Variants in VIPR2 observed in about 807,000 individuals in gnomAD.
VIPR2 encodes vasoactive intestinal peptide receptor 2, also known as vasoactive intestinal polypeptide receptor 2.
In VIPR2, 48 loss-of-function variants were observed where a neutral mutation model predicts 58.0. The observed-to-expected ratio is 0.83, with a 90% confidence interval of 0.66 to 1.05. VIPR2 has a LOEUF of 1.05. Ranked by LOEUF, VIPR2 falls within the 50% of genes least tolerant of loss-of-function variation. The pLI is 0.00. For synonymous variants in VIPR2, 243 were observed against 235.2 expected (o/e 1.03, Z -0.30); for missense variants, 534 against 558.0 (o/e 0.96, Z 0.43).
At chr7:159,090,581 C>T (rs544254517) in intron 4 of VIPR2, among the ~76,000 whole-genome samples, 2 of 126,446 alleles carry the variant, frequency 1.6e-5, no homozygotes, top group Admixed American at 1.6e-4. Flanking sequence ...GTGACCATCA[C>T]AATCCCCGGT....
At chr7:159,120,357 G>C (rs1317408829) in intron 2 of VIPR2, among the ~76,000 whole-genome samples, 1 of 152,112 alleles carries the variant, frequency 6.6e-6, no homozygotes, top group African/African-American at 2.4e-5. Context: ...GTCCCCCTTG[G>C]AGTGCTCACC....
chr7:159,124,550 G>T (rs975246192), intron 2 of VIPR2, among the ~76,000 whole-genome samples: 1 of 152,124 alleles, frequency 6.6e-6, no homozygotes, highest in South Asian at 2.1e-4. Context: ...TGGTAGCCCC[G>T]TAGTATTGTT....
At position 159,144,733 on chromosome 7, in the gene VIPR2, C is replaced by G; in HGVS notation, c.39G>C (p.Trp13Cys). 7.6e-7 allele frequency: 1 copy of G among 1,321,508 alleles called. No homozygotes were observed. Among genetic ancestry groups the G allele is most frequent in the East Asian group, 3.1e-5 (1 of 32,114 alleles). The allele number at this position is 1,321,508 out of a possible 1,614,324, so 81.9% of individuals were successfully genotyped here. A position where few individuals can be genotyped will look rare whatever the true frequency, so the allele number is the denominator to read the frequency against. Residue 13 changes from tryptophan (W) to cysteine (C), a missense_variant, in exon 1 of 13, where the codon TGG becomes TGC. Physicochemically the swap from Trp to Cys is radical, Grantham distance 215. Coordinates refer to ENST00000262178, the MANE Select transcript of VIPR2 (RefSeq NM_003382.5). ...CGGGCGCACTCACGGGGGCGAGCAG[C>G]CAGCAGGTCAGCAGCGCGGGAGGCA... ...TLLPPALLTC[W>C]LLAPVNSIHP...
chr7:159,070,565 G>A (rs534313478), intron 4 of VIPR2, among the ~76,000 whole-genome samples: 4 of 152,256 alleles, frequency 2.6e-5, no homozygotes, highest in South Asian at 2.1e-4. Context: ...CAGACAGCAC[G>A]TCAGGCGTTG....
At chr7:159,094,261 G>A (rs1857689784) in intron 4 of VIPR2, among the ~76,000 whole-genome samples, 1 of 152,198 alleles carries the variant, frequency 6.6e-6, no homozygotes, top group South Asian at 2.1e-4. Flanking sequence ...GGTCTCTGAT[G>A]AGCACGTGGA....
intron 2 of VIPR2, among the ~76,000 whole-genome samples, chr7:159,110,691 C>T (rs1238325275): frequency 0.05 from 6 of 120 alleles, no homozygotes; most frequent in African/African-American, 0.2. Flanking sequence ...TAGCCTTGGT[C>T]GGTAAAACAA....
At chr7:159,118,557 G>A (rs541783903) in intron 2 of VIPR2, among the ~76,000 whole-genome samples, 32 of 152,292 alleles carry the variant, frequency 2.1e-4, no homozygotes, top group South Asian at 1.2e-3. Flanking sequence ...TGAATGAGAC[G>A]GAGGGGAAGG....
At chr7:159,105,611 C>T (rs76990368) in intron 3 of VIPR2, among the ~76,000 whole-genome samples, 6,967 of 152,172 alleles carry the variant, frequency 0.046, 215 homozygotes, top group Non-Finnish European at 0.07. Context: ...CTGGCCCTGC[C>T]CACTGGCACC....
At chr7:159,130,436 G>T (rs1034890851) in intron 2 of VIPR2, among the ~76,000 whole-genome samples, 2 of 129,482 alleles carry the variant, frequency 1.5e-5, no homozygotes. Context: ...TGGAACCTAA[G>T]ATTGGCCTTT....
intron 5 of VIPR2, among the ~76,000 whole-genome samples, chr7:159,043,566 T>C (rs765645472): frequency 3.9e-5 from 6 of 152,060 alleles, no homozygotes; most frequent in Admixed American, 2.6e-4. Context: ...CAAAGGCTTA[T>C]GCCAACCAAG....
At chr7:159,043,475 TA>T (rs1284852040) in intron 5 of VIPR2, among the ~76,000 whole-genome samples, 2 of 152,198 alleles carry the variant, frequency 1.3e-5, no homozygotes, top group African/African-American at 4.8e-5. Flanking sequence ...AAAAAACTGT[TA>T]AAATCCCAAC....
At chr7:159,078,309 T>G (rs978147385) in intron 4 of VIPR2, among the ~76,000 whole-genome samples, 3 of 152,192 alleles carry the variant, frequency 2.0e-5, no homozygotes, top group Non-Finnish European at 2.9e-5. Flanking sequence ...CATAGAAATA[T>G]CTAACAAATA....
chr7:159,085,173 T>C (rs1468144858), intron 4 of VIPR2, among the ~76,000 whole-genome samples: 4 of 152,202 alleles, frequency 2.6e-5, no homozygotes, highest in Admixed American at 2.6e-4. Flanking sequence ...AGGACCATCG[T>C]CATGATGGTG....
At position 159,098,197 on chromosome 7, in the gene VIPR2, C is replaced by T. The variant is rs1242534759; in HGVS notation, c.357+5560G>A. Among the ~76,000 whole-genome samples the T allele has an allele frequency of 6.6e-6, 1 of 152,204 alleles. No individual in the cohort carries two copies. The highest frequency in any genetic ancestry group is 1.9e-4 in the East Asian group (1 of 5,196). Reference sequence around the variant, plus strand: ...AGAAGAGTTGTGATGGGATGAAGGGCAGGGCAGGGCAGGGCCGGGTGGTCG... The same window carrying T: ...AGAAGAGTTGTGATGGGATGAAGGGTAGGGCAGGGCAGGGCCGGGTGGTCG... On this transcript the variant is annotated intron_variant, in intron 4 of 12. Transcript: ENST00000262178. This position sits in a 1 kb window ranked among gnomAD's most constrained non-coding sequence, Gnocchi z 5.2.
intron 4 of VIPR2, among the ~76,000 whole-genome samples, chr7:159,092,216 C>T (rs549072839): frequency 3.9e-5 from 6 of 152,304 alleles, no homozygotes; most frequent in African/African-American, 1.4e-4. Context: ...CTGTTTTAAG[C>T]AAAAGGACAC....
intron 2 of VIPR2, among the ~76,000 whole-genome samples, chr7:159,141,091 C>T (rs111380907): frequency 0.017 from 2,621 of 152,328 alleles, 53 homozygotes; most frequent in African/African-American, 0.058. Flanking sequence ...CTCAGGACTA[C>T]CTTTCCTAAC....
chr7:159,082,534 G>C (rs1187604141), intron 4 of VIPR2, among the ~76,000 whole-genome samples: 1 of 152,104 alleles, frequency 6.6e-6, no homozygotes, highest in Non-Finnish European at 1.5e-5. Context: ...TGAGTTAATG[G>C]GTGCAGCACA....
Position 159,112,322 on chromosome 7 carries a change from G to A in VIPR2, c.152-2403C>T, listed in dbSNP as rs143711415. On this transcript the variant is annotated intron_variant, in intron 2 of 12. Coordinates refer to ENST00000262178, the MANE Select transcript of VIPR2 (RefSeq NM_003382.5). ...GAAGCGGACTCGAGGGCGTCAGGGC[G>A]CCGAGGCTGAGGTAGCAGCCGGAAG... 9.0e-3 allele frequency among the ~76,000 whole-genome samples: 1,372 copies of A among 152,304 alleles called. 24 individuals are homozygous for A. The highest frequency in any genetic ancestry group is 0.029 in the African/African-American group (1,198 of 41,570).
chr7:159,071,626 G>A (rs182672032), intron 4 of VIPR2, among the ~76,000 whole-genome samples: 286 of 152,318 alleles, frequency 1.9e-3, no homozygotes, highest in Non-Finnish European at 3.4e-3. Context: ...CAGAAAGACT[G>A]TTCACAGGAG....
Sources: gnomAD v4.1 joint callset for allele counts (sites outside exome capture counted in the v4.1 genomes callset) on GRCh38, gnomAD v4.1.1 for gene constraint, Gnocchi (gnomAD v3.1) non-coding constraint, MANE v1.5 for transcripts, NCBI Gene and HGNC (gene_info 2026-07-23, HGNC 2026-07-21) for gene names.